SNRPN: variants seen among roughly 807,000 people sequenced by gnomAD.
SNRPN encodes small nuclear ribonucleoprotein polypeptide N.
A neutral mutation model predicts 25.2 loss-of-function variants in SNRPN; 7 were observed. That is an observed-to-expected ratio of 0.28 (90% CI 0.16 to 0.52). The LOEUF (loss-of-function observed/expected upper bound fraction) is 0.52, where lower values mean the gene tolerates loss of function less well. SNRPN is among the 20% of genes least tolerant of loss of function. The probability of loss-of-function intolerance (pLI) is 0.96; values close to 1 mark genes in which losing one functional copy is unlikely to be tolerated. For synonymous variants in SNRPN, 124 were observed against 110.6 expected, an observed-to-expected ratio of 1.12 and a Z score of -0.76; for missense variants, 196 against 322.5, an observed-to-expected ratio of 0.61 and a Z score of 3.00.
At position 24,968,048 on chromosome 15, in the gene SNRPN, G is replaced by C. The variant is rs2075905251; in HGVS notation, c.-178G>C. 6.2e-7 allele frequency: 1 copy of C among 1,611,882 alleles called. No homozygotes were observed. The highest frequency in any genetic ancestry group is 1.3e-5 in the African/African-American group (1 of 74,972). On this transcript the variant is annotated 5_prime_UTR_variant, in exon 3 of 10. Coordinates refer to ENST00000390687, the MANE Select transcript of SNRPN (RefSeq NM_003097.6). The stretch of plus-strand genomic sequence containing the variant: ...CCAAGAGGTGGTTAAAGCCATATTG[G>C]AGTAGCGAGGAATCTGATTCCAAGC...
chr15:24,978,088 T>C, intron 8 of SNRPN, 105 bp from the exon 9 acceptor site: 4 of 1,284,662 alleles, frequency 3.1e-6, no homozygotes, highest in Non-Finnish European at 4.4e-6. Context: ...GTTATTTGAC[T>C]CTATCATTGT....
At chr15:24,844,161 C>T (rs11161146) in intron 2 of SNRPN, among the ~76,000 whole-genome samples, 28,034 of 151,376 alleles carry the variant, frequency 0.19, 2,730 homozygotes, top group Admixed American at 0.21. Context: ...TTTGTGTGTG[C>T]GCATGAGTAA....
At chr15:24,882,790 C>T (rs1233154103) in intron 1 of SNRPN, among the ~76,000 whole-genome samples, 1 of 130,930 alleles carries the variant, frequency 7.6e-6, no homozygotes, top group East Asian at 2.6e-4. Context: ...TACCACTGCA[C>T]TCCAGCTTGG....
intron 1 of SNRPN, among the ~76,000 whole-genome samples, chr15:24,865,714 AG>A (rs2054516418): frequency 6.6e-6 from 1 of 152,128 alleles, no homozygotes. Context: ...TCATGGCCTT[AG>A]GTCTTATTTA....
chr15:24,939,320 T>C (rs1158017190), intron 3 of SNRPN, among the ~76,000 whole-genome samples: 1 of 152,202 alleles, frequency 6.6e-6, no homozygotes, highest in African/African-American at 2.4e-5. Flanking sequence ...ATTTTGATTT[T>C]GATTTCCCTG....
chr15:24,957,442 A>G (rs2063114881), intron 1 of SNRPN, among the ~76,000 whole-genome samples: 1 of 152,216 alleles, frequency 6.6e-6, no homozygotes. Flanking sequence ...TGGAGCTACT[A>G]CAAAAATTTG....
intron 2 of SNRPN, among the ~76,000 whole-genome samples, chr15:24,918,721 A>T (rs1217803747): frequency 6.2e-5 from 5 of 81,294 alleles, no homozygotes; most frequent in African/African-American, 2.1e-4. Flanking sequence ...TATATAACAT[A>T]ATATATATGT....
chr15:24,909,590 G>A, intron 2 of SNRPN: 1 of 1,270,946 alleles, frequency 7.9e-7, no homozygotes, highest in African/African-American at 1.5e-5. Context: ...GTGTGCATAT[G>A]CTGTGCAGAC....
chr15:24,868,110 G>C (rs1030637855), intron 1 of SNRPN, among the ~76,000 whole-genome samples: 1 of 142,614 alleles, frequency 7.0e-6, no homozygotes, highest in East Asian at 2.1e-4. Context: ...CATGTATATG[G>C]GTGTGTGTGT....
intron 3 of SNRPN, among the ~76,000 whole-genome samples, chr15:24,935,147 G>A (rs535616661): frequency 7.2e-5 from 11 of 151,870 alleles, no homozygotes; most frequent in Non-Finnish European, 8.8e-5. Flanking sequence ...CAGCATGCCC[G>A]TATAGTCCCA....
intron 2 of SNRPN, among the ~76,000 whole-genome samples, chr15:24,840,720 C>A (rs2051615276): frequency 6.6e-6 from 1 of 152,224 alleles, no homozygotes; most frequent in South Asian, 2.1e-4. Context: ...TCCGTGAGTG[C>A]AGCCAGGGGC....
intron 2 of SNRPN, among the ~76,000 whole-genome samples, chr15:24,840,622 A>T (rs1203059326): frequency 6.6e-6 from 1 of 152,104 alleles, no homozygotes; most frequent in Non-Finnish European, 1.5e-5. Context: ...GGTTACCTTG[A>T]CTCTGGGTGC....
At chr15:24,840,019 C>T (rs2051552328) in intron 2 of SNRPN, among the ~76,000 whole-genome samples, 1 of 152,126 alleles carries the variant, frequency 6.6e-6, no homozygotes, top group Non-Finnish European at 1.5e-5. Flanking sequence ...CACGAGGTGC[C>T]CAGTCCAAAA....
chr15:24,888,358 G>A (rs35474304), intron 2 of SNRPN, among the ~76,000 whole-genome samples: 38,145 of 151,948 alleles, frequency 0.25, 5,089 homozygotes, highest in East Asian at 0.41. Flanking sequence ...CACCCACCTC[G>A]GGTTCCCAAA....
rs917883390 is a variant in SNRPN at position 24,831,971 on chromosome 15, T to C, written c.-579+2066T>C. On this transcript the variant is annotated intron_variant, in intron 2 of 12. Coordinates refer to the SNRPN transcript ENST00000400100. The stretch of plus-strand genomic sequence containing the variant: ...TCTATCCAACACACCGGATAGTCAA[T>C]GAAATCTCCCAAGGCAGATTTTATT... Among the ~76,000 whole-genome samples, 23 of 151,600 alleles carry C rather than the reference T, an allele frequency of 1.5e-4. 1 individual carries two copies. The highest frequency in any genetic ancestry group is 6.2e-4 in the South Asian group (3 of 4,822).
intron 2 of SNRPN, among the ~76,000 whole-genome samples, chr15:24,918,845 GCGCACATATATATAACAATATATATA>G (rs1332254763): frequency 2.6e-5 from 3 of 116,168 alleles, no homozygotes; most frequent in Non-Finnish European, 5.0e-5. Context: ...ATATATATAT[GCGCACATATATATAACAATATATATA>G]TGTGCATATA....
intron 2 of SNRPN, among the ~76,000 whole-genome samples, chr15:24,840,227 A>G (rs746912296): frequency 8.5e-5 from 13 of 152,122 alleles, no homozygotes; most frequent in South Asian, 2.1e-4. Context: ...ACATGGTGGC[A>G]TGCGCCTGTA....
intron 1 of SNRPN, among the ~76,000 whole-genome samples, chr15:24,877,697 AAC>A (rs374575616): frequency 4.2e-3 from 484 of 113,924 alleles, no homozygotes; most frequent in Non-Finnish European, 8.1e-3. Flanking sequence ...CACACACACA[AAC>A]ACACTAGCCG....
upstream of SNRPN, among the ~76,000 whole-genome samples, chr15:24,954,096 G>A (rs896896654): frequency 6.6e-6 from 1 of 152,140 alleles, no homozygotes; most frequent in African/African-American, 2.4e-5. Flanking sequence ...CTTCTTTTCT[G>A]CAGTGTCTTT....
Sources: allele counts gnomAD v4.1 joint callset (sites outside exome capture counted in the v4.1 genomes callset), GRCh38; gene constraint gnomAD v4.1.1; transcripts MANE v1.5; gene names NCBI Gene and HGNC (gene_info 2026-07-23, HGNC 2026-07-21).